Variants in KLF8 observed in about 807,000 individuals in gnomAD.
KLF8 encodes KLF transcription factor 8, also known as Krueppel-like factor 8.
In KLF8, 10 loss-of-function variants were observed where a neutral mutation model predicts 18.2. The observed-to-expected ratio is 0.55, with a 90% CI of 0.34 to 0.93. The LOEUF is 0.93. KLF8 is among the 40% of genes least tolerant of loss of function. The pLI is 0.02. For synonymous variants in KLF8, 109 were observed against 97.3 expected (o/e 1.12, Z -0.71); for missense variants, 264 against 277.9 (o/e 0.95, Z 0.36).
At chrX:55,939,239 G>C in the KLF8 span, among the ~76,000 whole-genome samples, 8 of 111,466 alleles carry the variant, frequency 7.2e-5, no homozygotes, top group African/African-American at 2.3e-4. Flanking sequence ...AACCTCTCAA[G>C]TACATGGAAA....
chrX:56,221,634 T>C, the KLF8 span, among the ~76,000 whole-genome samples: 1 of 110,976 alleles, frequency 9.0e-6, no homozygotes, highest in African/African-American at 3.3e-5. Context: ...ACCTTCGCAG[T>C]GAGTGTTACA....
At chrX:55,970,692 C>T in the KLF8 span, among the ~76,000 whole-genome samples, 1 of 111,484 alleles carries the variant, frequency 9.0e-6, no homozygotes, top group Non-Finnish European at 1.9e-5. Flanking sequence ...AAAACTATTA[C>T]AATGGGTAAA....
the KLF8 span, among the ~76,000 whole-genome samples, chrX:56,175,776 G>T: frequency 9.0e-6 from 1 of 111,461 alleles, no homozygotes; most frequent in Non-Finnish European, 1.9e-5. Flanking sequence ...ATGAATCTGG[G>T]TGCTCCTGTA....
the KLF8 span, among the ~76,000 whole-genome samples, chrX:56,170,604 G>A: frequency 9.1e-6 from 1 of 109,588 alleles, no homozygotes. Context: ...TAATTAGTGA[G>A]CATACAGACA....
chrX:56,188,971 A>C, the KLF8 span, among the ~76,000 whole-genome samples: 128 of 111,952 alleles, frequency 1.1e-3, no homozygotes, highest in African/African-American at 3.9e-3. Flanking sequence ...CAAGGACTTC[A>C]TGTCTAAAAC....
At chrX:55,947,495 A>G in the KLF8 span, among the ~76,000 whole-genome samples, 4 of 74,232 alleles carry the variant, frequency 5.4e-5, no homozygotes, top group Admixed American at 3.3e-4. Flanking sequence ...TGTGGGGTGG[A>G]GGGAGGGGGG....
At chrX:55,909,651 A>G in the KLF8 span, among the ~76,000 whole-genome samples, 1 of 112,536 alleles carries the variant, frequency 8.9e-6, no homozygotes, top group Non-Finnish European at 1.9e-5. Flanking sequence ...TCAATGGTTC[A>G]CTTTTATTGT....
chrX:56,167,044 G>A, the KLF8 span, among the ~76,000 whole-genome samples: 1 of 112,171 alleles, frequency 8.9e-6, no homozygotes, highest in African/African-American at 3.2e-5. Context: ...GACAATGAGT[G>A]AATCTCTCCC....
the KLF8 span, among the ~76,000 whole-genome samples, chrX:55,951,348 C>T: frequency 2.8e-5 from 3 of 108,005 alleles, no homozygotes; most frequent in African/African-American, 1.0e-4. Context: ...TGGTGGGGGG[C>T]GCCTGTCATC....
At chrX:56,089,500 G>C in the KLF8 span, among the ~76,000 whole-genome samples, 1 of 112,015 alleles carries the variant, frequency 8.9e-6, no homozygotes, top group African/African-American at 3.2e-5. Context: ...CAGTTTCCCA[G>C]TTGGCTTGTA....
rs1367154592 is a variant in KLF8, at chrX:56,269,020, AC to A, written c.647-357del. The A allele has an allele frequency of 2.4e-4, 212 of 894,876 alleles. No individual in the cohort carries two copies. The African/African-American group carries it at 3.9e-3, about 17-fold the overall frequency. 73.7% of individuals were successfully genotyped at this position (894,876 alleles called of 1,213,427 possible). ...AGTTCAATTCAACACACACACACAC[AC>A]ACACACGTTGAAACTAACTTTTCAG... On this transcript the variant is annotated intron_variant, in intron 3 of 5. Transcript: ENST00000468660.
At chrX:56,103,635 T>C in the KLF8 span, among the ~76,000 whole-genome samples, 1 of 111,839 alleles carries the variant, frequency 8.9e-6, no homozygotes, top group African/African-American at 3.3e-5. Flanking sequence ...GTTTTCTAAA[T>C]ATACAATCAT....
chrX:56,052,614 A>C, the KLF8 span, among the ~76,000 whole-genome samples: 3 of 111,912 alleles, frequency 2.7e-5, no homozygotes, highest in Admixed American at 2.8e-4. Flanking sequence ...TTGAGGAAGC[A>C]GTCTCCCCAT....
chrX:56,244,485 G>T (rs2066595849), intron 1 of KLF8, among the ~76,000 whole-genome samples: 3 of 111,944 alleles, frequency 2.7e-5, no homozygotes, highest in South Asian at 7.5e-4. Context: ...ACTGTGCCAG[G>T]CCCTCTTTCT....
the KLF8 span, among the ~76,000 whole-genome samples, chrX:56,031,722 G>A: frequency 9.0e-6 from 1 of 111,504 alleles, no homozygotes; most frequent in Non-Finnish European, 1.9e-5. Context: ...AAGAAATGTA[G>A]CAGGACGAGC....
At chrX:56,052,266 G>A in the KLF8 span, among the ~76,000 whole-genome samples, 2 of 112,053 alleles carry the variant, frequency 1.8e-5, no homozygotes, top group East Asian at 2.8e-4. Flanking sequence ...TCTTCTCTCA[G>A]CTCGTCAAAG....
chrX:55,989,707 T>G, the KLF8 span, among the ~76,000 whole-genome samples: 535 of 112,006 alleles, frequency 4.8e-3, 3 homozygotes, highest in African/African-American at 0.016. Context: ...TCAGGATAAT[T>G]CTGGCCTCAT....
chrX:56,092,371 T>C, the KLF8 span, among the ~76,000 whole-genome samples: 1 of 111,897 alleles, frequency 8.9e-6, no homozygotes, highest in African/African-American at 3.2e-5. Flanking sequence ...CTCATGTTTT[T>C]TGTGTAGACC....
the KLF8 span, among the ~76,000 whole-genome samples, chrX:55,911,976 A>G: frequency 8.9e-6 from 1 of 111,984 alleles, no homozygotes; most frequent in Non-Finnish European, 1.9e-5. Flanking sequence ...AGAGATACTG[A>G]TGTAATTGGT....
Sources: allele counts gnomAD v4.1 joint callset (sites outside exome capture counted in the v4.1 genomes callset), GRCh38; gene constraint gnomAD v4.1.1; transcripts MANE v1.5; gene names NCBI Gene and HGNC (gene_info 2026-07-23, HGNC 2026-07-21).